Variants in ITGA11 observed in about 807,000 individuals in gnomAD.
ITGA11 encodes the protein integrin subunit alpha 11, also known as integrin alpha-11.
A neutral mutation model predicts 141.9 loss-of-function variants in ITGA11; 97 were observed. The ratio of observed to expected loss-of-function variants is 0.68; its 90% CI spans 0.58 to 0.81. ITGA11 has a LOEUF of 0.81. ITGA11 is among the 30% of genes least tolerant of loss of function. ITGA11 has a pLI of 0.00. For missense variants in ITGA11, 1,387 were observed against 1,559.2 expected, an observed-to-expected ratio of 0.89 and a Z score of 1.86; for synonymous variants, 658 against 624.6, an observed-to-expected ratio of 1.05 and a Z score of -0.80.
intron 1 of ITGA11, 29 bp downstream of exon 1, chr15:68,431,986 G>A: frequency 7.7e-7 from 1 of 1,294,804 alleles, no homozygotes; most frequent in East Asian, 3.1e-5. Flanking sequence ...ACTCCGAGAG[G>A]CAAGGGGAGG....
intron 3 of ITGA11, among the ~76,000 whole-genome samples, chr15:68,367,817 G>A (rs1895473319): frequency 6.6e-6 from 1 of 152,208 alleles, no homozygotes; most frequent in Admixed American, 6.5e-5. Context: ...TCAGAGAGAG[G>A]ATGTGAACTC....
At chr15:68,314,054 A>G (rs190797637) in intron 22 of ITGA11, among the ~76,000 whole-genome samples, 186 bp from the exon 23 acceptor site, 112 of 152,322 alleles carry the variant, frequency 7.4e-4, no homozygotes, top group Admixed American at 2.4e-3. Context: ...GATGGATGAC[A>G]CTAGCTCTAC....
At chr15:68,341,832 A>C (rs974211159) in intron 10 of ITGA11, among the ~76,000 whole-genome samples, 1 of 152,188 alleles carries the variant, frequency 6.6e-6, no homozygotes, top group Non-Finnish European at 1.5e-5. Flanking sequence ...TCAGCCGGGG[A>C]GACCCCTCAC....
At chr15:68,421,198 AGGGG>A (rs1897008351) in intron 1 of ITGA11, among the ~76,000 whole-genome samples, 1 of 9,004 alleles carries the variant, frequency 1.1e-4, no homozygotes, top group Non-Finnish European at 2.3e-4. Context: ...CTCAGGTGGG[AGGGG>A]GAGGCTGGAT....
At chr15:68,429,164 T>G (rs1295202488) in intron 1 of ITGA11, among the ~76,000 whole-genome samples, 4 of 152,236 alleles carry the variant, frequency 2.6e-5, no homozygotes, top group Admixed American at 2.6e-4. Context: ...ATCTTTGTGA[T>G]AACTCTAAGT....
chr15:68,393,878 C>T (rs1400232798), intron 2 of ITGA11, among the ~76,000 whole-genome samples: 2 of 152,118 alleles, frequency 1.3e-5, no homozygotes, highest in Non-Finnish European at 2.9e-5. Context: ...GAATTTATAA[C>T]ATGTGCAAAG....
chr15:68,368,506 T>TAAA (rs1301281161), intron 3 of ITGA11, among the ~76,000 whole-genome samples: 1 of 152,248 alleles, frequency 6.6e-6, no homozygotes, highest in Non-Finnish European at 1.5e-5. Context: ...TAGGAGGGCT[T>TAAA]CGGAGGCTGG....
At chr15:68,355,974 T>A (rs1895058602) in intron 7 of ITGA11, among the ~76,000 whole-genome samples, 1 of 152,190 alleles carries the variant, frequency 6.6e-6, no homozygotes, top group Admixed American at 6.5e-5. Context: ...ACTGGCTAAT[T>A]TCAGTGGGGG....
chr15:68,397,762 ATAT>A (rs569826877), intron 2 of ITGA11, among the ~76,000 whole-genome samples: 18 of 87,756 alleles, frequency 2.1e-4, no homozygotes, highest in Non-Finnish European at 3.3e-4. Context: ...TATATTTAAA[ATAT>A]TATATTTAAA....
rs1458908030 is a variant in ITGA11, at chr15:68,307,975, A to G, written c.3175-279T>C. On this transcript the variant is annotated intron_variant, in intron 26 of 29. Coordinates refer to ENST00000315757, the MANE Select transcript of ITGA11 (RefSeq NM_001004439.2). This position sits in a 1 kb window ranked among gnomAD's most constrained non-coding sequence, Gnocchi z 6.1. The stretch of plus-strand genomic sequence containing the variant: ...ACTTTTGTTCAACATTAGGGAATCT[A>G]TAAATGTTTCCTATCACCATATAAA... 6.6e-6 allele frequency among the ~76,000 whole-genome samples: 1 copy of G among 152,220 alleles called. No homozygotes were observed.
At position 68,315,692 on chromosome 15, in the gene ITGA11, G is replaced by A. The variant is rs1420225681; in HGVS notation, c.2751C>T (p.Ser917=). The change falls in exon 22 of 30, where the codon TCC becomes TCT. Residue 917 remains serine, a synonymous_variant. Transcript: ENST00000315757. ...AFRLDFEFSK[S]IFLHHLEIEL... Reference sequence around the variant, plus strand: ...CGATCTCCAGGTGGTGTAGGAAGATGGATTTGCTGAACTCAAAATCAAGAC... The same window carrying A: ...CGATCTCCAGGTGGTGTAGGAAGATAGATTTGCTGAACTCAAAATCAAGAC... The A allele has an allele frequency of 3.7e-6, 6 of 1,613,194 alleles. No individual in the cohort carries two copies. Among genetic ancestry groups the A allele is most frequent in the Non-Finnish European group, 5.1e-6 (6 of 1,179,560 alleles).
chr15:68,428,053 GTTATGATGGATCCTAGAA>G (rs1365727013), intron 1 of ITGA11, among the ~76,000 whole-genome samples: 1 of 152,094 alleles, frequency 6.6e-6, no homozygotes, highest in Non-Finnish European at 1.5e-5. Context: ...CCTGGGGAGG[GTTATGATGGATCCTAGAA>G]CAATGTTCGA....
At chr15:68,383,279 G>GA (rs555215234) in intron 2 of ITGA11, among the ~76,000 whole-genome samples, 11,401 of 120,606 alleles carry the variant, frequency 0.095, 1,265 homozygotes, top group African/African-American at 0.28. Flanking sequence ...TCAAAAAAAA[G>GA]AAAAAAAAAA....
intron 5 of ITGA11, among the ~76,000 whole-genome samples, chr15:68,360,697 C>T (rs1895214671): frequency 2.0e-5 from 3 of 152,190 alleles, no homozygotes; most frequent in Admixed American, 6.5e-5. Context: ...CCCCGGTGGG[C>T]CCCTCACGTA....
chr15:68,372,913 T>G (rs1269391745), intron 2 of ITGA11, among the ~76,000 whole-genome samples: 1 of 152,254 alleles, frequency 6.6e-6, no homozygotes, highest in South Asian at 2.1e-4. Context: ...AAAGATGATA[T>G]GTACCCCTAA....
chr15:68,358,485 C>G lies in ITGA11; in HGVS notation c.573G>C (p.Lys191Asn), dbSNP rs1895139164. 3 of 1,613,218 alleles carry G rather than the reference C, an allele frequency of 1.9e-6. No homozygotes were observed. The highest frequency in any genetic ancestry group is 2.5e-6 in the Non-Finnish European group (3 of 1,179,710). ...GGATCTGCCCTGGGCCAATGTAAAACTTTTTCAGGATGTTGATGAGGAAGT... is the reference window on the plus strand; with the variant it reads ...GGATCTGCCCTGGGCCAATGTAAAAGTTTTTCAGGATGTTGATGAGGAAGT... ...VQHFLINILK[K>N]FYIGPGQIQV... is the part of the protein sequence containing the mutation. Residue 191 changes from lysine to asparagine, a missense_variant, in exon 6 of 30, where the codon AAG becomes AAC. By Grantham distance (94) the Lys-to-Asn change is moderately conservative (BLOSUM62 0). Coordinates refer to ENST00000315757, the MANE Select transcript of ITGA11 (RefSeq NM_001004439.2).
intron 10 of ITGA11, among the ~76,000 whole-genome samples, chr15:68,348,503 T>C (rs1464733930): frequency 6.6e-6 from 1 of 152,216 alleles, no homozygotes; most frequent in Non-Finnish European, 1.5e-5. Context: ...GGGATTATTG[T>C]CTGTAGTCCA....
rs1292412698 is a variant in ITGA11, at chr15:68,325,897, T to G, written c.2212-656A>C. 3.3e-5 allele frequency among the ~76,000 whole-genome samples: 5 copies of G among 152,206 alleles called. No homozygotes were observed. The highest frequency in any genetic ancestry group is 7.3e-5 in the Non-Finnish European group (5 of 68,028). ...AACCTGAGCTGGCACCAGAGTCCCCTGGGAGCTTGTTAAAACACAGGGTGC... is the reference window on the plus strand; with the variant it reads ...AACCTGAGCTGGCACCAGAGTCCCCGGGGAGCTTGTTAAAACACAGGGTGC... On this transcript the variant is annotated intron_variant, in intron 17 of 29. Transcript: ENST00000315757. This position sits in a 1 kb window ranked among gnomAD's most constrained non-coding sequence, Gnocchi z 5.5.
At chr15:68,332,602 G>A in intron 12 of ITGA11, 124 bp from the exon 13 acceptor site, 5 of 1,086,784 alleles carry the variant, frequency 4.6e-6, no homozygotes, top group Non-Finnish European at 6.5e-6. Flanking sequence ...GTGAACAAAT[G>A]GATCCTCCCT....
Sources: gnomAD v4.1 joint callset for allele counts (sites outside exome capture counted in the v4.1 genomes callset) on GRCh38, gnomAD v4.1.1 for gene constraint, Gnocchi (gnomAD v3.1) non-coding constraint, MANE v1.5 for transcripts, NCBI Gene and HGNC (gene_info 2026-07-23, HGNC 2026-07-21) for gene names.